NBPF12: variants seen among roughly 807,000 people sequenced by gnomAD.
NBPF12 encodes the protein NBPF family member NBPF12.
NBPF12 carries 115 observed loss-of-function variants against 146.4 expected under a neutral mutation model. That is an observed-to-expected ratio of 0.79 (90% CI 0.68 to 0.92). NBPF12 has a LOEUF of 0.92. NBPF12 is among the 40% of genes least tolerant of loss of function. The pLI, the probability that NBPF12 is intolerant of heterozygous loss-of-function variation, is 0.00. For synonymous variants in NBPF12, 385 were observed against 508.9 expected (o/e 0.76, Z 3.28); for missense variants, 1,205 against 1,326.8 (o/e 0.91, Z 1.43).
intron 18 of NBPF12, among the ~76,000 whole-genome samples, chr1:146,978,160 TCTTTA>T (rs1657166109): frequency 1.3e-5 from 2 of 151,806 alleles, no homozygotes; most frequent in African/African-American, 2.4e-5. Flanking sequence ...AAACTTTTCT[TCTTTA>T]CTTTGCTGAT....
At chr1:146,984,740 C>G in intron 21 of NBPF12, 73 bp from the exon 25 acceptor site, 1 of 822,830 alleles carries the variant, frequency 1.2e-6, no homozygotes, top group Non-Finnish European at 2.2e-6. Context: ...TTATGTTAGC[C>G]ATGAAATCTA....
chr1:146,949,857 A>G (rs1338517489), intron 1 of NBPF12, among the ~76,000 whole-genome samples: 163 of 152,002 alleles, frequency 1.1e-3, no homozygotes, highest in African/African-American at 3.7e-3. Context: ...TCATCTTTCA[A>G]CCAATAACAA....
chr1:146,969,842 A>T (rs1472353792), intron 11 of NBPF12, among the ~76,000 whole-genome samples: 3 of 150,870 alleles, frequency 2.0e-5, no homozygotes, highest in Non-Finnish European at 4.4e-5. Flanking sequence ...GGCAGCATCT[A>T]TCTAGTTTTA....
Position 146,984,823 on chromosome 1 carries a change from G to T in NBPF12, c.2677G>T (p.Glu893Ter). 2 of 1,507,140 alleles carry T rather than the reference G, an allele frequency of 1.3e-6. No homozygotes were observed. The highest frequency in any genetic ancestry group is 2.3e-5 in the East Asian group (1 of 44,352). The allele number at this position is 1,507,140 out of a possible 1,614,324, so 93.4% of individuals were successfully genotyped here. Reference sequence around the variant, plus strand: ...TTCCCACTTTTCCAGGCTCAGCAGGGAGCTGCTGGCTGAGAAAGAGCCTGA... The same window carrying T: ...TTCCCACTTTTCCAGGCTCAGCAGGTAGCTGCTGGCTGAGAAAGAGCCTGA... Residue 893 changes from glutamate (E) to a stop codon, truncating the protein, a stop_gained, in exon 22 of 34, where the codon GAG (glutamate) becomes TAG (stop). Transcript: ENST00000617844. LOFTEE classifies it high-confidence loss of function.
chr1:146,981,672 C>G (rs1657405515), intron 19 of NBPF12, among the ~76,000 whole-genome samples: 1 of 151,912 alleles, frequency 6.6e-6, no homozygotes, highest in African/African-American at 2.4e-5. Flanking sequence ...TCCATTCTCC[C>G]CATCACTTTC....
In NBPF12 at chr1:146,994,995, G is replaced by A. The variant is rs587600220; in HGVS notation, c.*420G>A. On this transcript the variant is annotated 3_prime_UTR_variant, in exon 34 of 34. Transcript: ENST00000617844. ...CCTAACCTCATTATTTGTGTCTTCA[G>A]TGTTGGCTTGTTTTAGCTGATCCAT... 82 of 252,812 alleles carry A rather than the reference G, an allele frequency of 3.2e-4. 2 individuals carry two copies. The highest frequency in any genetic ancestry group is 1.7e-3 in the African/African-American group (72 of 43,168). The allele number at this position is 252,812 out of a possible 1,614,324, so 15.7% of individuals were successfully genotyped here.
At chr1:146,963,043 C>A (rs1462893991) in intron 5 of NBPF12, 52 bp from the exon 9 acceptor site, 10 of 1,607,432 alleles carry the variant, frequency 6.2e-6, no homozygotes, top group Middle Eastern at 2.3e-4. Context: ...AATATTTGAA[C>A]GGATCACTCA....
intron 4 of NBPF12, among the ~76,000 whole-genome samples, chr1:146,960,881 C>T (rs1188622277): frequency 1.3e-5 from 2 of 152,096 alleles, no homozygotes; most frequent in East Asian, 3.9e-4. Flanking sequence ...TGCAGCATGG[C>T]TCACTCCTGT....
At chr1:146,964,493 C>G in intron 7 of NBPF12, 64 bp downstream of exon 10, 1 of 1,589,934 alleles carries the variant, frequency 6.3e-7, no homozygotes, top group South Asian at 1.1e-5. Context: ...AGAAGGCACA[C>G]CCTCTCTGGC....
intron 1 of NBPF12, among the ~76,000 whole-genome samples, chr1:146,942,965 C>T (rs2101807362): frequency 7.1e-6 from 1 of 141,090 alleles, no homozygotes; most frequent in East Asian, 2.2e-4. Context: ...TGCAGTGGTG[C>T]CATCATAGCT....
chr1:146,955,888 C>A (rs1477241131), intron 2 of NBPF12, among the ~76,000 whole-genome samples: 1 of 151,184 alleles, frequency 6.6e-6, no homozygotes, highest in Admixed American at 6.6e-5. Flanking sequence ...AGAATGCCTT[C>A]GTTATTTCGT....
Position 146,961,558 on chromosome 1 carries a change from C to A in NBPF12, c.176-603C>A, listed in dbSNP as rs1294339393. ...TTATACTGTTTCTAAATTAACACAA[C>A]TAATCTAAATCTTAATGCTGCCTCT... On this transcript the variant is annotated intron_variant, in intron 4 of 33. Transcript: ENST00000617844. Among the ~76,000 whole-genome samples the A allele has an allele frequency of 5.9e-3, 885 of 148,968 alleles. 15 individuals are homozygous for A. The highest frequency in any genetic ancestry group is 0.022 in the African/African-American group (838 of 38,352).
chr1:146,981,294 A>AATATATAT (rs1156779222), intron 19 of NBPF12, among the ~76,000 whole-genome samples: 20 of 90,206 alleles, frequency 2.2e-4, no homozygotes, highest in African/African-American at 6.2e-4. Context: ...AAAAAAAAAA[A>AATATATAT]ATATATATAT....
At chr1:146,971,522 A>T (rs1378677646) in intron 13 of NBPF12, 128 bp downstream of exon 16, 2 of 790,118 alleles carry the variant, frequency 2.5e-6, no homozygotes, top group Non-Finnish European at 4.0e-6. Context: ...AGGTGCTGTG[A>T]CTCACACATA....
At position 146,962,826 on chromosome 1, in the gene NBPF12, C is replaced by T. The variant is rs1415025826; in HGVS notation, c.279-269C>T. Reference sequence around the variant, plus strand: ...GAACTGAAAGGATGTCTTTTTGAAACGGAATTAGGAAGACACCTACCTTTG... The same window carrying T: ...GAACTGAAAGGATGTCTTTTTGAAATGGAATTAGGAAGACACCTACCTTTG... On this transcript the variant is annotated intron_variant, in intron 5 of 33. Transcript: ENST00000617844. Among the ~76,000 whole-genome samples, 1,312 of 150,594 alleles carry T rather than the reference C, an allele frequency of 8.7e-3. 28 individuals are homozygous for T. The highest frequency in any genetic ancestry group is 0.03 in the African/African-American group (1,240 of 40,744).
intron 19 of NBPF12, among the ~76,000 whole-genome samples, chr1:146,979,214 G>T (rs1214021189): frequency 2.8e-5 from 3 of 107,954 alleles, no homozygotes; most frequent in Non-Finnish European, 5.4e-5. Context: ...CTTGCCATCA[G>T]ATGAGCCAGG....
At chr1:146,946,341 T>C (rs1655065291), upstream of NBPF12, among the ~76,000 whole-genome samples, 1 of 151,284 alleles carries the variant, frequency 6.6e-6, no homozygotes, top group Non-Finnish European at 1.5e-5. Flanking sequence ...GTTCCTGATC[T>C]TTGACAGCAT....
chr1:146,992,481 TGTG>T (rs1658255119), intron 31 of NBPF12, among the ~76,000 whole-genome samples: 1 of 136,618 alleles, frequency 7.3e-6, no homozygotes, highest in African/African-American at 2.8e-5. Context: ...TGTGTGTGTG[TGTG>T]TGTGTGTGTG....
chr1:146,944,441 C>T (rs1414682670), upstream of NBPF12, among the ~76,000 whole-genome samples: 13 of 146,702 alleles, frequency 8.9e-5, no homozygotes, highest in South Asian at 1.3e-3. Context: ...GACAAATGGA[C>T]GATGTCAGAC....
Sources: allele counts gnomAD v4.1 joint callset (sites outside exome capture counted in the v4.1 genomes callset), GRCh38; gene constraint gnomAD v4.1.1; transcripts MANE v1.5; gene names NCBI Gene and HGNC (gene_info 2026-07-23, HGNC 2026-07-21).